GON4L: variants seen among roughly 807,000 people sequenced by gnomAD.
GON4L encodes gon-4 like, also known as GON-4-like protein.
In GON4L, 87 loss-of-function variants were observed where a neutral mutation model predicts 211.8. The observed-to-expected ratio is 0.41, with a 90% confidence interval of 0.35 to 0.49. GON4L has a LOEUF of 0.49. Ranked by LOEUF, GON4L falls within the 20% of genes least tolerant of loss-of-function variation. GON4L has a pLI of 0.15. For synonymous variants in GON4L, 875 were observed against 962.6 expected (o/e 0.91, Z 1.68); for missense variants, 2,155 against 2,659.5 (o/e 0.81, Z 4.17).
intron 19 of GON4L, 99 bp from the exon 20 acceptor site, chr1:155,767,640 C>G: frequency 1.6e-6 from 1 of 639,528 alleles, no homozygotes; most frequent in Non-Finnish European, 2.3e-6. Flanking sequence ...GAGAAACACA[C>G]ACACACACAC....
chr1:155,776,409 T>C lies in GON4L; in HGVS notation c.2164A>G (p.Thr722Ala). The change falls in exon 16 of 32, where the codon ACC becomes GCC. Residue 722 changes from threonine to alanine, a missense_variant. Physicochemically the swap from Thr to Ala is moderately conservative, Grantham distance 58. This residue lies in a region of GON4L where 551 missense variants were observed against 854.0 expected (regional missense o/e 0.65). Coordinates refer to ENST00000368331, the MANE Select transcript of GON4L (RefSeq NM_001282860.2). The part of the protein sequence containing the change: ...NPNLNPEATT[T>A]RIFLKELGTF... ...TGGAAACTTACAAGAAATATCCTGG[T>C]GGTAGTGGCCTCCGGATTGAGGTTG... is the stretch of plus-strand genomic sequence containing the variant. 3.1e-6 allele frequency: 5 copies of C among 1,607,060 alleles called. No homozygotes were observed. The highest frequency in any genetic ancestry group is 4.5e-5 in the East Asian group (2 of 44,850).
rs569777963 is a variant in GON4L, at chr1:155,773,415, A to AGAG, written c.2351-206_2351-205insCTC. 1.1e-3 allele frequency: 680 copies of AGAG among 592,610 alleles called. 2 individuals carry two copies. In the African/African-American group the frequency reaches 0.012, roughly 10 times the overall value. The allele number at this position is 592,610 out of a possible 1,614,324, so 36.7% of individuals were successfully genotyped here. On this transcript the variant is annotated intron_variant, in intron 17 of 31. Coordinates refer to ENST00000368331, the MANE Select transcript of GON4L (RefSeq NM_001282860.2). The stretch of plus-strand genomic sequence containing the variant: ...GGGAGTCCCATTCAATGGCAATAAA[A>AGAG]GTTGACTCATTCTTTCTTATGTGGA...
rs559116921 is a variant in GON4L at position 155,807,439 on chromosome 1, G to A, written c.1453-2298C>T. ...TTAAAAAAATGAGGCTGGGTGCAGT[G>A]GCTCACACCTGTAATCCCAGACTTT... On this transcript the variant is annotated intron_variant, in intron 10 of 31. Coordinates refer to ENST00000368331, the MANE Select transcript of GON4L (RefSeq NM_001282860.2). 1.3e-3 allele frequency among the ~76,000 whole-genome samples: 191 copies of A among 152,034 alleles called. 1 individual carries two copies. Among genetic ancestry groups the A allele is most frequent in the African/African-American group, 4.4e-3 (184 of 41,494 alleles).
chr1:155,768,483 T>C (rs1046259885), intron 19 of GON4L, among the ~76,000 whole-genome samples: 75 of 150,728 alleles, frequency 5.0e-4, no homozygotes, highest in Admixed American at 8.0e-4. Context: ...TGGTGGCTGG[T>C]GCCTGTAGTC....
At chr1:155,767,060 C>T (rs1662585536) in intron 20 of GON4L, 1 of 581,686 alleles carries the variant, frequency 1.7e-6, no homozygotes, top group Non-Finnish European at 3.0e-6. Context: ...AAAACAACAA[C>T]AAAAAAAGAA....
In GON4L at chr1:155,750,743, G is replaced by A; in HGVS notation, c.6577-10C>T. On this transcript the variant is annotated splice_polypyrimidine_tract_variant and intron_variant, in intron 31 of 31. Coordinates refer to ENST00000368331, the MANE Select transcript of GON4L (RefSeq NM_001282860.2). ...GAAAACGGTGGGAAACCTAAGAAAGGAGGAGGGCTGTATTCACTGGTCTTT... is the reference window on the plus strand; with the variant it reads ...GAAAACGGTGGGAAACCTAAGAAAGAAGGAGGGCTGTATTCACTGGTCTTT... 1 of 1,567,830 alleles carries A rather than the reference G, an allele frequency of 6.4e-7. No homozygotes were observed. Among genetic ancestry groups the A allele is most frequent in the Non-Finnish European group, 8.6e-7 (1 of 1,156,492 alleles).
intron 10 of GON4L, among the ~76,000 whole-genome samples, chr1:155,812,593 T>C (rs1160301487): frequency 2.0e-5 from 3 of 151,714 alleles, no homozygotes; most frequent in African/African-American, 7.3e-5. Flanking sequence ...TCTCTCTCCA[T>C]TGCCCAGGCT....
At chr1:155,822,242 A>G (rs1668800215) in intron 4 of GON4L, 44 bp downstream of exon 4, 3 of 1,486,622 alleles carry the variant, frequency 2.0e-6, no homozygotes, top group Non-Finnish European at 2.8e-6. Context: ...GCTTTCCATG[A>G]AAAAGTTCCC....
chr1:155,853,157 C>A, intron 2 of GON4L, 119 bp downstream of exon 2: 2 of 964,038 alleles, frequency 2.1e-6, no homozygotes, highest in South Asian at 1.3e-5. Flanking sequence ...CACAGCAGTT[C>A]CAATTCCGTA....
chr1:155,853,300 T>G lies in GON4L; in HGVS notation c.481A>C (p.Ser161Arg). The change falls in exon 2 of 32, where the codon AGT (serine) becomes CGT (arginine). Residue 161 changes from serine to arginine, a missense_variant. Around this residue, in one of 6 missense-constraint regions of GON4L, gnomAD observed 313 missense variants for 293.2 expected, o/e 1.07. Coordinates refer to ENST00000368331, the MANE Select transcript of GON4L (RefSeq NM_001282860.2). ...CCTCCTTCTTCCTTGACTTCTTCACTAGGCTCTCCTGAAAAAGGCTCCTTT... is the reference window on the plus strand; with the variant it reads ...CCTCCTTCTTCCTTGACTTCTTCACGAGGCTCTCCTGAAAAAGGCTCCTTT... Reference protein sequence around the residue: ...TLKEPFSGEPSEEVKEEGGKP... With the variant: ...TLKEPFSGEPREEVKEEGGKP... 1.9e-6 allele frequency: 3 copies of G among 1,613,968 alleles called. No homozygotes were observed. Among genetic ancestry groups the G allele is most frequent in the Non-Finnish European group, 2.5e-6 (3 of 1,179,810 alleles).
intron 3 of GON4L, among the ~76,000 whole-genome samples, chr1:155,825,628 G>A (rs970597175): frequency 8.6e-5 from 13 of 151,848 alleles, no homozygotes; most frequent in African/African-American, 3.1e-4. Context: ...CAGGCACGGT[G>A]GCTCACACCT....
intron 2 of GON4L, chr1:155,846,497 T>G (rs1176292810): frequency 8.2e-6 from 1 of 122,630 alleles, no homozygotes; most frequent in East Asian, 2.3e-4. Flanking sequence ...CACTCCAGCC[T>G]GGGTGACAGA....
At chr1:155,815,673 A>G (rs1416396312) in intron 8 of GON4L, 132 bp downstream of exon 8, 2 of 690,084 alleles carry the variant, frequency 2.9e-6, no homozygotes, top group Non-Finnish European at 5.3e-6. Context: ...AAAGGGCAGA[A>G]AAACAGCTTA....
At chr1:155,754,524 GTTTTTTTTTTTTT>G (rs760971402) in intron 27 of GON4L, 36 bp from the exon 28 acceptor site, 1 of 475,412 alleles carries the variant, frequency 2.1e-6, no homozygotes, top group Non-Finnish European at 3.5e-6. Context: ...CTGCCAAGTT[GTTTTTTTTTTTTT>G]TTTTTTTTTT....
intron 19 of GON4L, among the ~76,000 whole-genome samples, chr1:155,770,821 G>A (rs1663116386): frequency 6.6e-6 from 1 of 152,148 alleles, no homozygotes; most frequent in Admixed American, 6.5e-5. Context: ...CCAAGATTGC[G>A]CCACTCTACT....
At chr1:155,813,177 G>A (rs1014573661) in intron 10 of GON4L, among the ~76,000 whole-genome samples, 1 of 152,138 alleles carries the variant, frequency 6.6e-6, no homozygotes, top group African/African-American at 2.4e-5. Flanking sequence ...CACACCAGTA[G>A]TCCTACCACT....
At chr1:155,833,059 C>A (rs1669949199) in intron 2 of GON4L, 1 of 151,522 alleles carries the variant, frequency 6.6e-6, no homozygotes, top group East Asian at 1.9e-4. Context: ...AATTAAAGTG[C>A]AAAGTAGTAT....
chr1:155,826,775 T>C (rs980897793), intron 3 of GON4L, 62 bp downstream of exon 3: 2 of 1,124,578 alleles, frequency 1.8e-6, no homozygotes, highest in Non-Finnish European at 2.7e-6. Flanking sequence ...CATGTGCAGT[T>C]TTCTACATAT....
intron 11 of GON4L, among the ~76,000 whole-genome samples, chr1:155,799,088 A>C (rs916697771): frequency 2.0e-5 from 3 of 152,090 alleles, no homozygotes; most frequent in Admixed American, 2.0e-4. Flanking sequence ...CACCCATCCT[A>C]ATCATTGGCT....
Sources: allele counts gnomAD v4.1 joint callset (sites outside exome capture counted in the v4.1 genomes callset), GRCh38; gene constraint gnomAD v4.1.1; regional missense constraint gnomAD v4.1.1; transcripts MANE v1.5; gene names NCBI Gene and HGNC (gene_info 2026-07-23, HGNC 2026-07-21).